Variants in SEC24A observed in about 807,000 individuals in gnomAD.
SEC24A encodes SEC24 homolog A, COPII component, also known as protein transport protein Sec24A.
Under a neutral mutation model 129.4 loss-of-function variants are expected in SEC24A, and 93 were observed. That is an observed-to-expected ratio of 0.72 (90% CI 0.61 to 0.85). The LOEUF (loss-of-function observed/expected upper bound fraction) is 0.85, where lower values mean the gene tolerates loss of function less well. Ranked by LOEUF, SEC24A falls within the 40% of genes least tolerant of loss-of-function variation. The pLI is 0.00. For missense variants in SEC24A, 1,264 were observed against 1,307.4 expected, an observed-to-expected ratio of 0.97 and a Z score of 0.51; for synonymous variants, 460 against 467.3, an observed-to-expected ratio of 0.98 and a Z score of 0.20.
intron 17 of SEC24A, among the ~76,000 whole-genome samples, chr5:134,707,519 C>T (rs542756365): frequency 9.9e-5 from 15 of 151,854 alleles, no homozygotes; most frequent in Non-Finnish European, 1.5e-4. Context: ...TTAGTAGAGA[C>T]GGGGTTTCAC....
At chr5:134,667,023 A>C in intron 3 of SEC24A, 27 bp downstream of exon 3, 1 of 1,513,480 alleles carries the variant, frequency 6.6e-7, no homozygotes, top group Non-Finnish European at 8.8e-7. Flanking sequence ...ACAAAGTCAA[A>C]TCCTCAAGTT....
chr5:134,709,836 G>GTTATT (rs58842185), intron 18 of SEC24A, among the ~76,000 whole-genome samples: 7,870 of 151,844 alleles, frequency 0.052, 667 homozygotes, highest in African/African-American at 0.18. Context: ...GACCATACAT[G>GTTATT]TTATTTTATT....
chr5:134,668,902 T>A (rs922443830), intron 3 of SEC24A, among the ~76,000 whole-genome samples: 11 of 149,856 alleles, frequency 7.3e-5, no homozygotes, highest in Admixed American at 6.7e-5. Context: ...ATAAAAATAA[T>A]AAAAAATAAA....
At chr5:134,724,435 A>C (rs531719581) in intron 22 of SEC24A, among the ~76,000 whole-genome samples, 5 of 152,112 alleles carry the variant, frequency 3.3e-5, no homozygotes, top group Non-Finnish European at 7.4e-5. Flanking sequence ...CTAAAAATAC[A>C]AAATTAGCCT....
At chr5:134,682,885 A>T (rs1401390322) in intron 9 of SEC24A, among the ~76,000 whole-genome samples, 1 of 152,084 alleles carries the variant, frequency 6.6e-6, no homozygotes, top group African/African-American at 2.4e-5. Context: ...ATGTTTTTAA[A>T]TGTGTAAAAG....
chr5:134,693,470 C>CA (rs1281068096), intron 12 of SEC24A: 13 of 1,387,856 alleles, frequency 9.4e-6, no homozygotes, highest in South Asian at 8.2e-5. Context: ...CTTTTGGATA[C>CA]ATTTTGGACT....
chr5:134,688,749 G>C (rs1580713793), intron 11 of SEC24A, among the ~76,000 whole-genome samples: 1 of 152,082 alleles, frequency 6.6e-6, no homozygotes, highest in East Asian at 1.9e-4. Flanking sequence ...GCACGATCTT[G>C]GCTTACTGCA....
At chr5:134,667,093 T>C (rs1325734316) in intron 3 of SEC24A, 97 bp downstream of exon 3, 2 of 1,119,394 alleles carry the variant, frequency 1.8e-6, no homozygotes, top group African/African-American at 3.3e-5. Flanking sequence ...TCACATTTTT[T>C]CCAGAAAATC....
At chr5:134,699,623 C>T (rs1178355972) in intron 15 of SEC24A, among the ~76,000 whole-genome samples, 1 of 151,336 alleles carries the variant, frequency 6.6e-6, no homozygotes, top group Admixed American at 6.6e-5. Context: ...TTTAATTGTA[C>T]AGTGGCATCA....
intron 3 of SEC24A, among the ~76,000 whole-genome samples, chr5:134,668,773 G>A (rs1292113330): frequency 6.6e-6 from 1 of 151,726 alleles, no homozygotes; most frequent in Non-Finnish European, 1.5e-5. Context: ...GTGGGCGCCT[G>A]TAATCCCAGC....
chr5:134,665,517 A>G (rs944763874), intron 2 of SEC24A, among the ~76,000 whole-genome samples: 2 of 151,114 alleles, frequency 1.3e-5, no homozygotes, highest in Admixed American at 6.6e-5. Flanking sequence ...TATTATAGAC[A>G]TGAACCACTG....
At chr5:134,675,389 G>T (rs770089095) in intron 6 of SEC24A, among the ~76,000 whole-genome samples, 172 bp downstream of exon 6, 6 of 152,108 alleles carry the variant, frequency 3.9e-5, no homozygotes, top group Admixed American at 6.6e-5. Flanking sequence ...AAAGTCCTAC[G>T]TCAAGAAATA....
intron 13 of SEC24A, among the ~76,000 whole-genome samples, chr5:134,695,944 CAA>C (rs34026685): frequency 0.02 from 1,371 of 67,706 alleles, 7 homozygotes; most frequent in Middle Eastern, 0.066. Flanking sequence ...GACTCTGTCT[CAA>C]AAAAAAAAAA....
chr5:134,693,957 A>G (rs1190801987), intron 13 of SEC24A, 24 bp downstream of exon 13: 2 of 1,588,326 alleles, frequency 1.3e-6, no homozygotes, highest in Non-Finnish European at 1.7e-6. Context: ...GAAATGTCTG[A>G]TAAGGTTTAT....
chr5:134,667,386 C>T (rs1426534086), intron 3 of SEC24A, among the ~76,000 whole-genome samples: 1 of 151,942 alleles, frequency 6.6e-6, no homozygotes, highest in Non-Finnish European at 1.5e-5. Context: ...CGCGGTGGCT[C>T]ACACCTGTAA....
chr5:134,655,364 C>A (rs1750204147), intron 1 of SEC24A, among the ~76,000 whole-genome samples: 1 of 152,004 alleles, frequency 6.6e-6, no homozygotes, highest in Admixed American at 6.6e-5. Flanking sequence ...TTAATAAGGC[C>A]ACAAGGCTGG....
intron 21 of SEC24A, among the ~76,000 whole-genome samples, chr5:134,722,434 G>A (rs1292937884): frequency 2.0e-5 from 3 of 151,830 alleles, no homozygotes; most frequent in Non-Finnish European, 2.9e-5. Context: ...GTGTGGTGGC[G>A]CACACCTGTA....
chr5:134,710,858 G>A (rs985813035), intron 18 of SEC24A, among the ~76,000 whole-genome samples: 8 of 152,062 alleles, frequency 5.3e-5, no homozygotes, highest in Admixed American at 1.3e-4. Context: ...CGTGTTGGCC[G>A]GCCATGGTGG....
chr5:134,683,938 C>G (rs1009227703), intron 9 of SEC24A, among the ~76,000 whole-genome samples: 1 of 152,148 alleles, frequency 6.6e-6, no homozygotes, highest in African/African-American at 2.4e-5. Flanking sequence ...TTTGGTTACT[C>G]TTTCACCATG....
Sources: allele counts gnomAD v4.1 joint callset (sites outside exome capture counted in the v4.1 genomes callset), GRCh38; gene constraint gnomAD v4.1.1; transcripts MANE v1.5; gene names NCBI Gene and HGNC (gene_info 2026-07-23, HGNC 2026-07-21).